ACSS2: variants seen among roughly 807,000 people sequenced by gnomAD.
ACSS2 encodes the protein acyl-CoA synthetase short chain family member 2.
In ACSS2, 58 loss-of-function variants were observed where a neutral mutation model predicts 90.6. The ratio of observed to expected loss-of-function variants is 0.64; its 90% CI spans 0.52 to 0.80. The LOEUF (loss-of-function observed/expected upper bound fraction) is 0.80. Ranked by LOEUF, ACSS2 falls within the 30% of genes least tolerant of loss-of-function variation. The probability of loss-of-function intolerance (pLI) is 0.00; values close to 1 mark genes in which losing one functional copy is unlikely to be tolerated. For missense variants in ACSS2, 759 were observed against 912.0 expected, an observed-to-expected ratio of 0.83 and a Z score of 2.16; for synonymous variants, 300 against 330.9, an observed-to-expected ratio of 0.91 and a Z score of 1.01.
chr20:34,886,638 GTAATAA>G (rs2080200528), intron 2 of ACSS2, among the ~76,000 whole-genome samples: 1 of 151,846 alleles, frequency 6.6e-6, no homozygotes, highest in Admixed American at 6.6e-5. Flanking sequence ...AACAATAAAA[GTAATAA>G]TAATAATTGC....
In ACSS2 at chr20:34,890,570, A is replaced by C. The variant is rs118123933; in HGVS notation, c.374+7581A>C. ...GGGTGGAAAGAGTGGTTGATGGCTGATATTCTGATCATTTATACTAGCTAC... is the reference window on the plus strand; with the variant it reads ...GGGTGGAAAGAGTGGTTGATGGCTGCTATTCTGATCATTTATACTAGCTAC... On this transcript the variant is annotated intron_variant, in intron 2 of 17. Transcript: ENST00000360596. Among the ~76,000 whole-genome samples the C allele has an allele frequency of 6.5e-3, 983 of 152,046 alleles. 7 individuals carry two copies. The highest frequency in any genetic ancestry group is 0.011 in the Non-Finnish European group (720 of 67,934).
At chr20:34,898,967 C>T (rs2080550138) in intron 2 of ACSS2, among the ~76,000 whole-genome samples, 1 of 152,238 alleles carries the variant, frequency 6.6e-6, no homozygotes, top group Non-Finnish European at 1.5e-5. Context: ...CAGCTAAGGC[C>T]TGGCGAGAAA....
At chr20:34,901,340 C>A (rs73905005) in intron 2 of ACSS2, among the ~76,000 whole-genome samples, 5,454 of 152,228 alleles carry the variant, frequency 0.036, 329 homozygotes, top group African/African-American at 0.13. Flanking sequence ...AAGTGATCCT[C>A]CCACCTCGGC....
intron 3 of ACSS2, 96 bp from the exon 4 acceptor site, chr20:34,913,297 G>A: frequency 1.9e-6 from 3 of 1,547,978 alleles, no homozygotes; most frequent in Non-Finnish European, 2.7e-6. Flanking sequence ...AACAGAGGAA[G>A]AGAACAGGTC....
intron 2 of ACSS2, among the ~76,000 whole-genome samples, chr20:34,894,646 G>A (rs1262406876): frequency 6.6e-6 from 1 of 152,056 alleles, no homozygotes; most frequent in Non-Finnish European, 1.5e-5. Flanking sequence ...GCCTGGGTGA[G>A]ACCCTGTCTC....
At chr20:34,894,459 C>T (rs1457379017) in intron 2 of ACSS2, among the ~76,000 whole-genome samples, 4 of 152,110 alleles carry the variant, frequency 2.6e-5, no homozygotes, top group East Asian at 3.9e-4. Flanking sequence ...CACTGCACTC[C>T]GGCCTGGGTG....
At chr20:34,908,864 G>GAAAAA in intron 2 of ACSS2, 6 of 260,596 alleles carry the variant, frequency 2.3e-5, no homozygotes, top group Admixed American at 6.4e-5. Flanking sequence ...TCCATCTTGG[G>GAAAAA]AAAAAAAAAA....
chr20:34,882,477 C>T (rs2146967822), intron 1 of ACSS2, among the ~76,000 whole-genome samples: 1 of 152,158 alleles, frequency 6.6e-6, no homozygotes, highest in East Asian at 1.9e-4. Flanking sequence ...CAAAAATTAG[C>T]CAGGCGTGGT....
intron 13 of ACSS2, 105 bp downstream of exon 13, chr20:34,921,971 G>A (rs1600357969): frequency 2.0e-6 from 3 of 1,507,250 alleles, no homozygotes; most frequent in South Asian, 2.8e-5. Context: ...AGCTGCTTAG[G>A]ACTGAAACTT....
intron 2 of ACSS2, among the ~76,000 whole-genome samples, chr20:34,912,288 C>A (rs2080977707): frequency 6.6e-6 from 1 of 152,128 alleles, no homozygotes; most frequent in African/African-American, 2.4e-5. Flanking sequence ...GATTCTCAAA[C>A]TTTATTTATT....
intron 14 of ACSS2, among the ~76,000 whole-genome samples, chr20:34,924,827 G>A (rs2081282846): frequency 6.6e-6 from 1 of 152,050 alleles, no homozygotes; most frequent in Admixed American, 6.6e-5. Flanking sequence ...AGCTTCTCAA[G>A]TAGCTGGGAT....
intron 12 of ACSS2, 83 bp from the exon 13 acceptor site, chr20:34,921,703 A>C: frequency 2.5e-6 from 4 of 1,609,232 alleles, no homozygotes; most frequent in Non-Finnish European, 3.4e-6. Flanking sequence ...TGTGTGAAGA[A>C]TTTGGGGTTC....
rs2080199579 is a variant in ACSS2 at position 34,886,623 on chromosome 20, C to CA, written c.374+3640dup. The stretch of plus-strand genomic sequence containing the variant: ...TGGGTGACAGAGCAAGACTCTGTCT[C>CA]AAAAAACAATAAAAGTAATAATAAT... On this transcript the variant is annotated intron_variant, in intron 2 of 17. Transcript: ENST00000360596. 1.2e-4 allele frequency among the ~76,000 whole-genome samples: 18 copies of CA among 152,090 alleles called. No individual in the cohort carries two copies. In the South Asian group the frequency reaches 3.7e-3, roughly 32 times the overall value.
intron 2 of ACSS2, among the ~76,000 whole-genome samples, chr20:34,884,997 C>T (rs2080155401): frequency 1.3e-5 from 2 of 151,784 alleles, no homozygotes; most frequent in African/African-American, 4.8e-5. Flanking sequence ...CTCAAGAGTT[C>T]GAGACCAGCC....
intron 14 of ACSS2, among the ~76,000 whole-genome samples, chr20:34,924,094 T>C (rs1394352714): frequency 2.0e-5 from 3 of 152,154 alleles, no homozygotes; most frequent in African/African-American, 7.2e-5. Flanking sequence ...TGTATGCTCC[T>C]GTGTTGAAAG....
At chr20:34,879,371 C>T (rs186739358) in intron 1 of ACSS2, among the ~76,000 whole-genome samples, 59 of 152,098 alleles carry the variant, frequency 3.9e-4, no homozygotes, top group Non-Finnish European at 7.2e-4. Context: ...CCTTCTGCTT[C>T]TCTCTACCTA....
chr20:34,921,444 C>A lies in ACSS2; in HGVS notation c.1392C>A (p.Thr464=). Reference sequence around the variant, plus strand: ...CCCAGCGCTGCCCCATCGTGGACACCTTCTGGCAAACAGAGACAGTGAGTG... The same window carrying A: ...CCCAGCGCTGCCCCATCGTGGACACATTCTGGCAAACAGAGACAGTGAGTG... ...VGAQRCPIVD[T]FWQTETGGHM... Residue 464 remains threonine (T), a synonymous_variant, in exon 11 of 18, where the codon ACC becomes ACA. Transcript: ENST00000360596. 6.2e-7 allele frequency: 1 copy of A among 1,614,208 alleles called. No individual in the cohort carries two copies. The highest frequency in any genetic ancestry group is 8.5e-7 in the Non-Finnish European group (1 of 1,180,030).
intron 14 of ACSS2, among the ~76,000 whole-genome samples, chr20:34,924,978 C>T (rs1270355719): frequency 6.6e-6 from 1 of 152,162 alleles, no homozygotes; most frequent in Non-Finnish European, 1.5e-5. Flanking sequence ...GCATGAGCCA[C>T]CATGCCTGGC....
intron 7 of ACSS2, chr20:34,915,194 C>G (rs780305253): frequency 3.7e-6 from 6 of 1,613,750 alleles, no homozygotes; most frequent in Non-Finnish European, 5.1e-6. Flanking sequence ...CCTCACTACC[C>G]TTTTCATCCT....
Sources: gnomAD v4.1 joint callset for allele counts (sites outside exome capture counted in the v4.1 genomes callset) on GRCh38, gnomAD v4.1.1 for gene constraint, MANE v1.5 for transcripts, NCBI Gene and HGNC (gene_info 2026-07-23, HGNC 2026-07-21) for gene names.